Variants in DIMT1 observed in about 807,000 individuals in gnomAD.
DIMT1 encodes the protein DIM1 rRNA methyltransferase and ribosome maturation factor.
A neutral mutation model predicts 43.2 loss-of-function variants in DIMT1; 36 were observed. The ratio of observed to expected loss-of-function variants is 0.83; its 90% CI spans 0.64 to 1.10. The LOEUF (loss-of-function observed/expected upper bound fraction) is 1.10. Among genes scored for constraint, DIMT1 ranks in the 50% least tolerant of loss-of-function variants. The pLI is 0.00. For synonymous variants in DIMT1, 126 were observed against 130.3 expected, an observed-to-expected ratio of 0.97 and a Z score of 0.22; for missense variants, 341 against 385.3, an observed-to-expected ratio of 0.88 and a Z score of 0.96.
chr5:62,390,578 G>C (rs1742257050), intron 11 of DIMT1, among the ~76,000 whole-genome samples: 1 of 152,152 alleles, frequency 6.6e-6, no homozygotes, highest in African/African-American at 2.4e-5. Flanking sequence ...ATGAGAGTTG[G>C]GGAAGGAGCA....
At chr5:62,391,196 C>A in intron 10 of DIMT1, 1 of 505,162 alleles carries the variant, frequency 2.0e-6, no homozygotes, top group Non-Finnish European at 3.5e-6. Context: ...AATTAGTAAT[C>A]CTGTCTATAT....
intron 3 of DIMT1, among the ~76,000 whole-genome samples, chr5:62,400,705 T>A (rs1175161351): frequency 1.3e-5 from 2 of 151,958 alleles, no homozygotes; most frequent in Non-Finnish European, 2.9e-5. Context: ...TAGACCCTGT[T>A]TACATGGTAA....
chr5:62,402,168 CA>C, intron 2 of DIMT1, 46 bp from the exon 3 acceptor site: 2 of 1,585,520 alleles, frequency 1.3e-6, no homozygotes, highest in Non-Finnish European at 1.7e-6. Context: ...AACATCAGAA[CA>C]CAGAAGTTAA....
At chr5:62,396,027 T>TA (rs1024569411) in intron 6 of DIMT1, among the ~76,000 whole-genome samples, 5 of 151,792 alleles carry the variant, frequency 3.3e-5, no homozygotes, top group Non-Finnish European at 5.9e-5. Flanking sequence ...TAAACTTTAT[T>TA]ATTCAACATA....
At chr5:62,396,742 G>C (rs1403426966) in intron 6 of DIMT1, among the ~76,000 whole-genome samples, 1 of 152,110 alleles carries the variant, frequency 6.6e-6, no homozygotes, top group African/African-American at 2.4e-5. Context: ...CCTAAAGAAA[G>C]TCAGCAAGCA....
chr5:62,390,790 T>C, intron 11 of DIMT1, 86 bp downstream of exon 11: 3 of 1,119,632 alleles, frequency 2.7e-6, no homozygotes, highest in Non-Finnish European at 4.1e-6. Context: ...TAGCACCTTA[T>C]ACCGCTTAAA....
intron 10 of DIMT1, 194 bp from the exon 11 acceptor site, chr5:62,391,176 G>C (rs1742295690): frequency 7.6e-6 from 4 of 527,140 alleles, no homozygotes; most frequent in Non-Finnish European, 1.3e-5. Flanking sequence ...CAAAAACTTG[G>C]AATACCTTGA....
intron 7 of DIMT1, 30 bp downstream of exon 7, chr5:62,394,452 GAA>G (rs774782434): frequency 6.2e-7 from 1 of 1,609,868 alleles, no homozygotes; most frequent in Non-Finnish European, 8.5e-7. Context: ...TTCTATCTCA[GAA>G]AAAAGAGAAA....
At position 62,394,457 on chromosome 5, in the gene DIMT1, AAG is replaced by A. The variant is rs759903414; in HGVS notation, c.570+25_570+26del. ...CAGAGTGAGATTCTATCTCAGAAAA[AAG>A]AGAAAGAAAACAAAATTCACTTACT... On this transcript the variant is annotated intron_variant, in intron 7 of 11. Transcript: ENST00000199320. The A allele has an allele frequency of 4.3e-6, 7 of 1,611,500 alleles. No homozygotes were observed. The African/African-American group carries it at 6.7e-5, about 15-fold the overall frequency.
Position 62,403,832 on chromosome 5 carries a change from T to G in DIMT1, c.-60A>C, listed in dbSNP as rs1156930498. On this transcript the variant is annotated 5_prime_UTR_variant, in exon 1 of 12. Coordinates refer to ENST00000199320, the MANE Select transcript of DIMT1 (RefSeq NM_014473.4). ...CAAGGAGGACCAAAGAGGGCTAGCG[T>G]GAGAAAGCCACCACGTGGGGATCGC... 18 of 1,552,416 alleles carry G rather than the reference T, an allele frequency of 1.2e-5. No homozygotes were observed. In the East Asian group the frequency reaches 4.0e-4, roughly 34 times the overall value.
intron 11 of DIMT1, among the ~76,000 whole-genome samples, chr5:62,390,382 A>G (rs543307951): frequency 2.6e-5 from 4 of 152,166 alleles, no homozygotes; most frequent in Non-Finnish European, 5.9e-5. Context: ...AGGCTACAAA[A>G]CTGTATTATT....
intron 10 of DIMT1, chr5:62,391,591 TA>T: frequency 3.2e-6 from 2 of 619,786 alleles, no homozygotes; most frequent in Non-Finnish European, 4.1e-6. Context: ...TTCTGAGTCA[TA>T]AAAAATAAAA....
At position 62,388,486 on chromosome 5, in the gene DIMT1, G is replaced by C. The variant is rs763646312; in HGVS notation, c.*524C>G. ...GGCAATCGTAACAGACACTGTATAGGATAAATAGGGAAGAGAATGAGAGAA... is the reference window on the plus strand; with the variant it reads ...GGCAATCGTAACAGACACTGTATAGCATAAATAGGGAAGAGAATGAGAGAA... On this transcript the variant is annotated 3_prime_UTR_variant, in exon 12 of 12. Transcript: ENST00000199320. 1 of 155,334 alleles carries C rather than the reference G, an allele frequency of 6.4e-6. No homozygotes were observed. Among genetic ancestry groups the C allele is most frequent in the Non-Finnish European group, 1.4e-5 (1 of 70,528 alleles). The allele number at this position is 155,334 out of a possible 1,614,324, so 9.6% of individuals were successfully genotyped here.
intron 6 of DIMT1, among the ~76,000 whole-genome samples, chr5:62,397,712 G>C (rs1441443039): frequency 1.3e-5 from 2 of 151,706 alleles, no homozygotes; most frequent in South Asian, 4.2e-4. Context: ...GCAGTGGCGC[G>C]ATCTCGGCTC....
intron 3 of DIMT1, among the ~76,000 whole-genome samples, chr5:62,401,270 C>T (rs1742692953): frequency 6.6e-6 from 1 of 151,846 alleles, no homozygotes; most frequent in Non-Finnish European, 1.5e-5. Flanking sequence ...CCAAAGTTGG[C>T]GGATCACCTG....
intron 2 of DIMT1, 22 bp downstream of exon 2, chr5:62,403,250 TC>T: frequency 6.2e-7 from 1 of 1,605,026 alleles, no homozygotes; most frequent in Non-Finnish European, 8.5e-7. Flanking sequence ...AACAACTCTC[TC>T]CCTTTCCTCT....
intron 1 of DIMT1, 97 bp from the exon 2 acceptor site, chr5:62,403,443 GC>G: frequency 8.1e-7 from 1 of 1,227,424 alleles, no homozygotes; most frequent in Non-Finnish European, 1.2e-6. Context: ...GAAGATTTCT[GC>G]GCCAACCAGG....
intron 3 of DIMT1, 62 bp downstream of exon 3, chr5:62,401,974 T>C (rs1056579612): frequency 4.7e-6 from 7 of 1,502,054 alleles, no homozygotes; most frequent in Non-Finnish European, 6.4e-6. Context: ...ATTTAGATTG[T>C]AAACCAACTG....
Position 62,398,727 on chromosome 5 carries a change from G to C in DIMT1, c.315C>G (p.Ser105Arg), listed in dbSNP as rs759962757. ...CATCACCCACCAGTACTTGAAGTTT[G>C]CTGGCCACAGGCCTGATGAGAAAAG... ...HKRVQGTPVA[S>R]KLQVLVGDVL... Residue 105 changes from serine to arginine, a missense_variant, in exon 5 of 12, where the codon AGC becomes AGG. By Grantham distance (110) the Ser-to-Arg change is moderately radical (BLOSUM62 -1). Transcript: ENST00000199320. 6.2e-7 allele frequency: 1 copy of C among 1,614,134 alleles called. No homozygotes were observed. Among genetic ancestry groups the C allele is most frequent in the Non-Finnish European group, 8.5e-7 (1 of 1,180,016 alleles).
Sources: allele counts gnomAD v4.1 joint callset (sites outside exome capture counted in the v4.1 genomes callset), GRCh38; gene constraint gnomAD v4.1.1; transcripts MANE v1.5; gene names NCBI Gene and HGNC (gene_info 2026-07-23, HGNC 2026-07-21).